TENM3: variants seen among roughly 807,000 people sequenced by gnomAD.
TENM3 encodes teneurin-3.
TENM3 carries 63 observed loss-of-function variants against 255.1 expected under a neutral mutation model. That is an observed-to-expected ratio of 0.25 (90% CI 0.20 to 0.30). The LOEUF (loss-of-function observed/expected upper bound fraction) is 0.30. Among genes scored for constraint, TENM3 ranks in the 10% least tolerant of loss-of-function variants. TENM3 has a pLI of 1.00. For missense variants in TENM3, 2,929 were observed against 3,461.1 expected, an observed-to-expected ratio of 0.85 and a Z score of 3.86; for synonymous variants, 1,306 against 1,322.3, an observed-to-expected ratio of 0.99 and a Z score of 0.27.
chr4:182,253,776 G>A (rs1025533076), intron 1 of TENM3, among the ~76,000 whole-genome samples: 3 of 151,804 alleles, frequency 2.0e-5, no homozygotes, highest in Admixed American at 6.6e-5. Flanking sequence ...TTGTTTAAAC[G>A]AAGTTCATAC....
chr4:181,597,193 A>C, the TENM3 span, among the ~76,000 whole-genome samples: 2 of 152,222 alleles, frequency 1.3e-5, no homozygotes, highest in African/African-American at 4.8e-5. Context: ...TCTGCTAAAG[A>C]ATAGTGTGTT....
At chr4:182,211,726 A>G (rs950800225) in intron 1 of TENM3, among the ~76,000 whole-genome samples, 2 of 152,210 alleles carry the variant, frequency 1.3e-5, no homozygotes, top group African/African-American at 4.8e-5. Flanking sequence ...CAGAAGCAAT[A>G]TATACTATGG....
intron 2 of TENM3, among the ~76,000 whole-genome samples, chr4:182,333,445 A>T (rs1218898986): frequency 6.6e-6 from 1 of 152,206 alleles, no homozygotes; most frequent in South Asian, 2.1e-4. Context: ...TCAGAAATCT[A>T]CTAACATAAT....
At chr4:182,312,311 G>A (rs1762495097) in intron 1 of TENM3, among the ~76,000 whole-genome samples, 1 of 152,276 alleles carries the variant, frequency 6.6e-6, no homozygotes, top group South Asian at 2.1e-4. Context: ...GCAGTGAGCT[G>A]TGATCGTACC....
the TENM3 span, among the ~76,000 whole-genome samples, chr4:181,963,656 G>A: frequency 1.3e-5 from 2 of 152,164 alleles, no homozygotes; most frequent in African/African-American, 4.8e-5. Flanking sequence ...ATGGCCCAAA[G>A]TAAGTCCTTC....
At chr4:181,807,375 CAG>C in the TENM3 span, among the ~76,000 whole-genome samples, 10 of 152,162 alleles carry the variant, frequency 6.6e-5, no homozygotes, top group African/African-American at 1.9e-4. Flanking sequence ...CTTTTTGAGA[CAG>C]AGTTTCACTC....
At chr4:182,782,441 C>G (rs1253530818) in intron 24 of TENM3, among the ~76,000 whole-genome samples, 1 of 116,486 alleles carries the variant, frequency 8.6e-6, no homozygotes, top group Non-Finnish European at 1.7e-5. Context: ...AATTTCTGTT[C>G]TTTTACATTT....
chr4:181,717,973 G>A, the TENM3 span, among the ~76,000 whole-genome samples: 1 of 152,164 alleles, frequency 6.6e-6, no homozygotes, highest in South Asian at 2.1e-4. Context: ...GCAGAAAAAT[G>A]CCTCTTCTGG....
At chr4:182,112,095 C>T in the TENM3 span, among the ~76,000 whole-genome samples, 3 of 152,114 alleles carry the variant, frequency 2.0e-5, no homozygotes, top group African/African-American at 7.2e-5. Context: ...TTCCAGGCCG[C>T]AGTGAGCTAT....
the TENM3 span, among the ~76,000 whole-genome samples, chr4:181,926,552 G>T: frequency 1.6e-4 from 25 of 152,130 alleles, no homozygotes; most frequent in African/African-American, 6.0e-4. Context: ...CCCTGCTAAG[G>T]TTTTTTGGGT....
At chr4:181,833,324 C>CCATA in the TENM3 span, among the ~76,000 whole-genome samples, 1 of 152,098 alleles carries the variant, frequency 6.6e-6, no homozygotes, top group South Asian at 2.1e-4. Context: ...TCCTCTTCAT[C>CCATA]CATACAGTCA....
chr4:181,480,705 A>G, the TENM3 span, among the ~76,000 whole-genome samples: 8 of 151,342 alleles, frequency 5.3e-5, no homozygotes, highest in East Asian at 1.6e-3. Flanking sequence ...GATATGTTTT[A>G]TAGATATAAA....
At chr4:181,639,510 C>T in the TENM3 span, among the ~76,000 whole-genome samples, 16 of 152,194 alleles carry the variant, frequency 1.1e-4, no homozygotes, top group South Asian at 4.2e-4. Context: ...GAGGCCGAGG[C>T]GGGTGGATCA....
chr4:182,750,701 T>C (rs1170681371), intron 19 of TENM3, among the ~76,000 whole-genome samples: 2 of 152,152 alleles, frequency 1.3e-5, no homozygotes, highest in South Asian at 2.1e-4. Flanking sequence ...ACTGTGTGTG[T>C]GTGTGTGTTC....
At chr4:182,326,457 C>T (rs1172665320) in intron 2 of TENM3, among the ~76,000 whole-genome samples, 3 of 152,124 alleles carry the variant, frequency 2.0e-5, no homozygotes, top group Admixed American at 1.3e-4. Flanking sequence ...TGTGCAGTTG[C>T]CACAGTGGAA....
the TENM3 span, among the ~76,000 whole-genome samples, chr4:181,568,766 A>T: frequency 2.0e-5 from 3 of 152,044 alleles, no homozygotes; most frequent in Non-Finnish European, 2.9e-5. Context: ...CACTTCCCTA[A>T]TCCTTTCCAA....
rs529304954 is a variant in TENM3, at chr4:182,374,482, T to C, written c.511+27553T>C. Among the ~76,000 whole-genome samples, 474 of 152,286 alleles carry C rather than the reference T, an allele frequency of 3.1e-3. 1 individual carries two copies. Among genetic ancestry groups the C allele is most frequent in the African/African-American group, 0.011 (456 of 41,554 alleles). On this transcript the variant is annotated intron_variant, in intron 3 of 27. Coordinates refer to ENST00000511685, the MANE Select transcript of TENM3 (RefSeq NM_001080477.4). ...TTATGAAATCACATGATGAGTTGTG[T>C]TATATATTTTTCATCATGGCACTCA... is the stretch of plus-strand genomic sequence containing the variant.
At chr4:182,219,258 T>A (rs1755706425) in intron 1 of TENM3, among the ~76,000 whole-genome samples, 1 of 151,524 alleles carries the variant, frequency 6.6e-6, no homozygotes, top group African/African-American at 2.4e-5. Context: ...ATAAAAACCA[T>A]AATATATTTT....
At chr4:182,674,947 G>A (rs1247683204) in intron 7 of TENM3, among the ~76,000 whole-genome samples, 1 of 151,688 alleles carries the variant, frequency 6.6e-6, no homozygotes, top group Non-Finnish European at 1.5e-5. Context: ...CATGATCTCG[G>A]CTCGCCACAA....
Sources: gnomAD v4.1 joint callset for allele counts (sites outside exome capture counted in the v4.1 genomes callset) on GRCh38, gnomAD v4.1.1 for gene constraint, MANE v1.5 for transcripts, NCBI Gene and HGNC (gene_info 2026-07-23, HGNC 2026-07-21) for gene names.